The following ZMAT4 variants were observed in gnomAD, a reference collection of about 807,000 sequenced individuals.
ZMAT4 encodes zinc finger matrin-type 4.
ZMAT4 carries 17 observed loss-of-function variants against 28.7 expected under a neutral mutation model. The ratio of observed to expected loss-of-function variants is 0.59; its 90% CI spans 0.41 to 0.89. ZMAT4 has a LOEUF of 0.89. ZMAT4 is among the 40% of genes least tolerant of loss of function. The pLI is 0.00. For synonymous variants in ZMAT4, 117 were observed against 109.2 expected (o/e 1.07, Z -0.44); for missense variants, 240 against 283.8 (o/e 0.85, Z 1.11).
intron 5 of ZMAT4, among the ~76,000 whole-genome samples, chr8:40,641,028 A>T (rs1807005163): frequency 6.6e-6 from 1 of 152,144 alleles, no homozygotes; most frequent in African/African-American, 2.4e-5. Flanking sequence ...ACAATAGAAC[A>T]GGGTTCACAG....
At chr8:40,859,533 G>A (rs1347251561) in intron 1 of ZMAT4, among the ~76,000 whole-genome samples, 1 of 152,100 alleles carries the variant, frequency 6.6e-6, no homozygotes, top group Non-Finnish European at 1.5e-5. Flanking sequence ...GGGAATTACA[G>A]GCCCAGCTAT....
chr8:40,889,777 A>T (rs1395575271), intron 1 of ZMAT4, among the ~76,000 whole-genome samples: 1 of 152,196 alleles, frequency 6.6e-6, no homozygotes, highest in Admixed American at 6.5e-5. Flanking sequence ...CCTCCATGCA[A>T]TGTTTGCTGT....
chr8:40,730,223 A>C (rs1811478947), intron 3 of ZMAT4, among the ~76,000 whole-genome samples: 1 of 152,196 alleles, frequency 6.6e-6, no homozygotes, highest in South Asian at 2.1e-4. Flanking sequence ...CACCCTAAAA[A>C]CACATTGTGA....
intron 3 of ZMAT4, among the ~76,000 whole-genome samples, chr8:40,724,497 G>A (rs1169962675): frequency 6.6e-6 from 1 of 152,166 alleles, no homozygotes; most frequent in East Asian, 1.9e-4. Context: ...GCTTTTCAGT[G>A]GTCTGACTCA....
At chr8:40,758,781 A>G (rs1277074699) in intron 3 of ZMAT4, among the ~76,000 whole-genome samples, 1 of 152,244 alleles carries the variant, frequency 6.6e-6, no homozygotes, top group Non-Finnish European at 1.5e-5. Flanking sequence ...ATAAGCGTGC[A>G]GCAAAGCAGA....
At chr8:40,722,538 GC>G (rs1357018848) in intron 3 of ZMAT4, among the ~76,000 whole-genome samples, 11 of 152,234 alleles carry the variant, frequency 7.2e-5, no homozygotes, top group Admixed American at 2.0e-4. Flanking sequence ...TTTACAAAGA[GC>G]CCTAAGTGTG....
chr8:40,620,545 G>A (rs148510426), intron 5 of ZMAT4, among the ~76,000 whole-genome samples: 36 of 152,288 alleles, frequency 2.4e-4, no homozygotes, highest in African/African-American at 7.9e-4. Flanking sequence ...TTTGTTCAAA[G>A]GGAAGAGAGA....
chr8:40,592,114 T>C (rs930687714), intron 5 of ZMAT4, among the ~76,000 whole-genome samples: 8 of 152,264 alleles, frequency 5.3e-5, no homozygotes, highest in Admixed American at 4.6e-4. Context: ...GGTAGGGGTG[T>C]GGAACATCAG....
intron 2 of ZMAT4, among the ~76,000 whole-genome samples, chr8:40,821,735 C>T (rs1259009207): frequency 6.6e-6 from 1 of 152,208 alleles, no homozygotes; most frequent in Non-Finnish European, 1.5e-5. Flanking sequence ...CCACCACCAA[C>T]TATCTATCAT....
chr8:40,817,092 A>T (rs1018547476), intron 2 of ZMAT4, among the ~76,000 whole-genome samples: 1 of 152,168 alleles, frequency 6.6e-6, no homozygotes, highest in Non-Finnish European at 1.5e-5. Context: ...AAAGAAAGAC[A>T]ATGCTTCCTC....
At chr8:40,892,114 T>C (rs1311086534) in intron 1 of ZMAT4, among the ~76,000 whole-genome samples, 1 of 152,168 alleles carries the variant, frequency 6.6e-6, no homozygotes, top group African/African-American at 2.4e-5. Context: ...CGCCCTCACA[T>C]GGTATGTTTC....
At chr8:40,853,166 T>A (rs1417268033) in intron 1 of ZMAT4, among the ~76,000 whole-genome samples, 12 of 152,250 alleles carry the variant, frequency 7.9e-5, no homozygotes, top group Admixed American at 7.9e-4. Context: ...ACAATCTTTG[T>A]ACTTTGGTAG....
At chr8:40,805,382 A>G (rs376933318) in intron 2 of ZMAT4, among the ~76,000 whole-genome samples, 29 of 148,962 alleles carry the variant, frequency 1.9e-4, no homozygotes, top group South Asian at 1.5e-3. Context: ...TCAGTGTGGC[A>G]ATTCCTCAGG....
At chr8:40,780,427 G>T (rs917451526) in intron 2 of ZMAT4, among the ~76,000 whole-genome samples, 8 of 152,184 alleles carry the variant, frequency 5.3e-5, no homozygotes, top group Admixed American at 2.6e-4. Flanking sequence ...TTGAAACATT[G>T]TAAGTTTGGG....
intron 6 of ZMAT4, among the ~76,000 whole-genome samples, chr8:40,563,456 A>T (rs973222): frequency 0.99 from 151,205 of 152,280 alleles, 75,083 homozygotes; most frequent in Middle Eastern, 1. Flanking sequence ...TACACAGAGC[A>T]GAACTGAATC....
rs1802669742 is a variant in ZMAT4, at chr8:40,530,822, T to C, written c.*1401A>G. The C allele has an allele frequency of 6.6e-6, 1 of 152,612 alleles. No individual in the cohort carries two copies. Among genetic ancestry groups the C allele is most frequent in the Non-Finnish European group, 1.5e-5 (1 of 68,082 alleles). 9.5% of individuals were successfully genotyped at this position (152,612 alleles called of 1,614,324 possible). ...CTGCAGGCACAGAAACTGGCAGACC[T>C]GGTCCCTCCTGAGCGGGCCCTGCTC... On this transcript the variant is annotated 3_prime_UTR_variant, in exon 7 of 7. Transcript: ENST00000297737.
intron 6 of ZMAT4, among the ~76,000 whole-genome samples, chr8:40,558,071 G>T (rs941392379): frequency 6.6e-6 from 1 of 152,090 alleles, no homozygotes; most frequent in Non-Finnish European, 1.5e-5. Context: ...AGCAGGAAAC[G>T]CCAGTTAGGC....
At chr8:40,553,422 G>T (rs908018737) in intron 6 of ZMAT4, among the ~76,000 whole-genome samples, 4 of 152,124 alleles carry the variant, frequency 2.6e-5, no homozygotes, top group Non-Finnish European at 5.9e-5. Flanking sequence ...GTAGAGGGTG[G>T]CATACTGCAT....
At chr8:40,652,437 G>GGA (rs1807713933) in intron 5 of ZMAT4, among the ~76,000 whole-genome samples, 1 of 81,262 alleles carries the variant, frequency 1.2e-5, no homozygotes. Context: ...GAAACAACAG[G>GGA]TGCTGGAGAG....
Sources: gnomAD v4.1 joint callset for allele counts (sites outside exome capture counted in the v4.1 genomes callset) on GRCh38, gnomAD v4.1.1 for gene constraint, MANE v1.5 for transcripts, NCBI Gene and HGNC (gene_info 2026-07-23, HGNC 2026-07-21) for gene names.